Variants in ZNF451 observed in about 807,000 individuals in gnomAD.
The protein encoded by ZNF451 is zinc finger protein 451, also known as E3 SUMO-protein ligase ZNF451.
In ZNF451, 80 loss-of-function variants were observed where a neutral mutation model predicts 107.1. The observed-to-expected ratio is 0.75, with a 90% confidence interval of 0.62 to 0.90. ZNF451 has a LOEUF of 0.90. Ranked by LOEUF, ZNF451 falls within the 40% of genes least tolerant of loss-of-function variation. The pLI is 0.00. For synonymous variants in ZNF451, 362 were observed against 406.5 expected (o/e 0.89, Z 1.32); for missense variants, 1,107 against 1,236.2 (o/e 0.90, Z 1.57).
chr6:57,153,333 A>G (rs1639457331), intron 12 of ZNF451, among the ~76,000 whole-genome samples: 1 of 150,996 alleles, frequency 6.6e-6, no homozygotes, highest in South Asian at 2.1e-4. Context: ...TAAATAGCTT[A>G]TATAATTTAA....
At chr6:57,124,297 T>G (rs1593120929) in intron 3 of ZNF451, 1 of 619,360 alleles carries the variant, frequency 1.6e-6, no homozygotes. Flanking sequence ...CCCCCTGGAG[T>G]TTTTAACTCT....
chr6:57,156,717 TG>T (rs1763442564), intron 13 of ZNF451, among the ~76,000 whole-genome samples: 1 of 152,214 alleles, frequency 6.6e-6, no homozygotes, highest in African/African-American at 2.4e-5. Context: ...AATTGTCCTT[TG>T]GGATGTAACC....
At chr6:57,156,146 A>G (rs938650768) in intron 13 of ZNF451, among the ~76,000 whole-genome samples, 11 of 152,174 alleles carry the variant, frequency 7.2e-5, no homozygotes, top group African/African-American at 2.4e-4. Flanking sequence ...TATTACTACC[A>G]TAAAAAGAAA....
intron 5 of ZNF451, among the ~76,000 whole-genome samples, chr6:57,132,577 GGGCATGGT>G (rs1253777439): frequency 6.6e-6 from 1 of 152,122 alleles, no homozygotes; most frequent in East Asian, 1.9e-4. Context: ...AATATTAGCT[GGGCATGGT>G]GGCATGTGCC....
rs1211680029 is a variant in ZNF451, at chr6:57,134,959, A to G, written c.702+89A>G. 3 of 1,071,972 alleles carry G rather than the reference A, an allele frequency of 2.8e-6. No individual in the cohort carries two copies. The African/African-American group carries it at 4.7e-5, about 17-fold the overall frequency. 66.4% of individuals were successfully genotyped at this position (1,071,972 alleles called of 1,614,324 possible). The stretch of plus-strand genomic sequence containing the variant: ...TTTTTCCTGCTGTTCTTAAGCTTGC[A>G]ATTACCAGTGATACACATAAGTATC... On this transcript the variant is annotated intron_variant, in intron 7 of 14. Transcript: ENST00000370706.
chr6:57,110,777 G>T (rs2127948387), intron 3 of ZNF451, among the ~76,000 whole-genome samples: 1 of 152,216 alleles, frequency 6.6e-6, no homozygotes, highest in African/African-American at 2.4e-5. Context: ...CCCTCTCTAG[G>T]TGTTTCAGAT....
At chr6:57,163,693 G>T (rs966502066) in intron 14 of ZNF451, among the ~76,000 whole-genome samples, 1 of 151,152 alleles carries the variant, frequency 6.6e-6, no homozygotes, top group Non-Finnish European at 1.5e-5. Flanking sequence ...CTCGTGATCC[G>T]CCTGCCTCGG....
chr6:57,094,015 A>G (rs1340777640), intron 2 of ZNF451, among the ~76,000 whole-genome samples: 3 of 152,236 alleles, frequency 2.0e-5, no homozygotes, highest in South Asian at 2.1e-4. Context: ...TCAAATCCAT[A>G]TTCTTTGTTT....
At chr6:57,107,108 A>G in intron 3 of ZNF451, 18 of 985,294 alleles carry the variant, frequency 1.8e-5, no homozygotes, top group Non-Finnish European at 2.0e-5. Context: ...ATTACTGGAA[A>G]TTTTGTTTGC....
chr6:57,155,890 TG>T (rs1248608591), intron 13 of ZNF451, among the ~76,000 whole-genome samples: 1 of 151,154 alleles, frequency 6.6e-6, no homozygotes, highest in Non-Finnish European at 1.5e-5. Flanking sequence ...TGGAGGCACA[TG>T]TGTACTTTAT....
intron 3 of ZNF451, chr6:57,109,148 A>G: frequency 1.0e-6 from 1 of 985,396 alleles, no homozygotes. Context: ...TAGTTCTCCC[A>G]TTGAGATTTC....
intron 3 of ZNF451, chr6:57,114,903 T>C (rs1830292674): frequency 6.6e-6 from 1 of 152,176 alleles, no homozygotes; most frequent in Non-Finnish European, 1.5e-5. Context: ...ATTTAACATT[T>C]TGATTTATAT....
intron 2 of ZNF451, among the ~76,000 whole-genome samples, chr6:57,098,292 C>G (rs1829423447): frequency 6.6e-6 from 1 of 151,688 alleles, no homozygotes; most frequent in South Asian, 2.1e-4. Flanking sequence ...CTTGGCCTCC[C>G]AAAGTGGTGG....
At chr6:57,123,608 C>T (rs551940572) in intron 3 of ZNF451, among the ~76,000 whole-genome samples, 7 of 151,910 alleles carry the variant, frequency 4.6e-5, no homozygotes, top group Admixed American at 1.3e-4. Context: ...GGCCAAACTT[C>T]GGCACCATGC....
chr6:57,106,538 T>A, intron 3 of ZNF451: 1 of 905,954 alleles, frequency 1.1e-6, no homozygotes, highest in Non-Finnish European at 1.3e-6. Flanking sequence ...ACTCCTGACC[T>A]CAAGTGATCC....
chr6:57,103,981 G>A (rs1829728133), intron 3 of ZNF451: 3 of 985,166 alleles, frequency 3.0e-6, no homozygotes, highest in South Asian at 4.7e-5. Flanking sequence ...TCAGGGTACT[G>A]TATTGATCTT....
chr6:57,102,071 C>T (rs1829626133), intron 3 of ZNF451: 2 of 1,523,504 alleles, frequency 1.3e-6, no homozygotes, highest in Non-Finnish European at 1.8e-6. Flanking sequence ...GGAGACTCTC[C>T]AGAACGCCAT....
At chr6:57,161,008 A>G in intron 13 of ZNF451, 76 bp from the exon 14 acceptor site, 1 of 885,830 alleles carries the variant, frequency 1.1e-6, no homozygotes, top group South Asian at 2.2e-5. Context: ...CTTGGGTATG[A>G]GCAGTTATTG....
intron 13 of ZNF451, chr6:57,154,249 A>G (rs571268686): frequency 2.8e-5 from 17 of 606,764 alleles, no homozygotes; most frequent in South Asian, 1.9e-4. Context: ...ATTCATAATA[A>G]TTTTCTGGAG....
Sources: gnomAD v4.1 joint callset for allele counts (sites outside exome capture counted in the v4.1 genomes callset) on GRCh38, gnomAD v4.1.1 for gene constraint, MANE v1.5 for transcripts, NCBI Gene and HGNC (gene_info 2026-07-23, HGNC 2026-07-21) for gene names.